Variants in OTX2 observed in about 807,000 individuals in gnomAD.
The protein encoded by OTX2 is homeobox protein OTX2.
In OTX2, 4 loss-of-function variants were observed where a neutral mutation model predicts 29.0. The ratio of observed to expected loss-of-function variants is 0.14; its 90% CI spans 0.07 to 0.32. The LOEUF is 0.32. Among genes scored for constraint, OTX2 ranks in the 10% least tolerant of loss-of-function variants. OTX2 has a pLI of 1.00. For synonymous variants in OTX2, 134 were observed against 141.0 expected (o/e 0.95, Z 0.35); for missense variants, 298 against 365.9 (o/e 0.81, Z 1.51).
chr14:56,803,908 A>G (rs1389372440), intron 4 of OTX2, among the ~76,000 whole-genome samples: 1 of 152,182 alleles, frequency 6.6e-6, no homozygotes, highest in Admixed American at 6.5e-5. Flanking sequence ...ATACAGAGGA[A>G]GGGAAGGGTT....
At chr14:56,806,102 T>C (rs1892082875) in intron 2 of OTX2, among the ~76,000 whole-genome samples, 1 of 152,112 alleles carries the variant, frequency 6.6e-6, no homozygotes, top group Non-Finnish European at 1.5e-5. Flanking sequence ...ATGGCAGAGA[T>C]TTTAATTATC....
chr14:56,809,522 G>A (rs906353914), intron 2 of OTX2, among the ~76,000 whole-genome samples: 9 of 152,228 alleles, frequency 5.9e-5, no homozygotes, highest in Non-Finnish European at 1.3e-4. Context: ...TGAGCGCCGG[G>A]GCGGACGAGA....
At position 56,801,761 on chromosome 14, in the gene OTX2, A is replaced by T; in HGVS notation, c.868T>A (p.Ser290Thr). Residue 290 changes from serine to threonine, a missense_variant, in exon 5 of 5, where the codon TCC (serine) becomes ACC (threonine). Transcript: ENST00000672264. The surrounding 1 kb of genome is among the most constrained non-coding windows in gnomAD (Gnocchi z 4.2). Reference sequence around the variant, plus strand: ...CACAAAACCTGGAATTTCCACGAGGATGTCTGATCTTTATAATCCAAGCAG... The same window carrying T: ...CACAAAACCTGGAATTTCCACGAGGTTGTCTGATCTTTATAATCCAAGCAG... ...ADCLDYKDQT[S>T]SWKFQVL The T allele has an allele frequency of 1.2e-6, 2 of 1,614,098 alleles. No homozygotes were observed. Among genetic ancestry groups the T allele is most frequent in the Non-Finnish European group, 1.7e-6 (2 of 1,180,032 alleles).
At chr14:56,803,730 A>G (rs2139532513) in intron 4 of OTX2, among the ~76,000 whole-genome samples, 1 of 152,326 alleles carries the variant, frequency 6.6e-6, no homozygotes, top group East Asian at 1.9e-4. Context: ...GTGTTGATTT[A>G]TTTGGTAAAA....
chr14:56,807,943 G>A (rs1278840394), intron 2 of OTX2, among the ~76,000 whole-genome samples: 1 of 151,950 alleles, frequency 6.6e-6, no homozygotes, highest in Non-Finnish European at 1.5e-5. Context: ...CTCCGGGCGC[G>A]AGTGCCTGGG....
At chr14:56,808,599 T>C (rs1166954754) in intron 2 of OTX2, among the ~76,000 whole-genome samples, 1 of 152,194 alleles carries the variant, frequency 6.6e-6, no homozygotes, top group Non-Finnish European at 1.5e-5. Flanking sequence ...TCTACCTTAC[T>C]CTGGGGGGAG....
chr14:56,803,972 C>T (rs141428191), intron 4 of OTX2, among the ~76,000 whole-genome samples: 133 of 152,260 alleles, frequency 8.7e-4, no homozygotes, highest in African/African-American at 3.2e-3. Flanking sequence ...CTCTCTCCAC[C>T]AGCAACCCGG....
chr14:56,807,163 C>T (rs1363947084), intron 2 of OTX2, among the ~76,000 whole-genome samples: 1 of 152,132 alleles, frequency 6.6e-6, no homozygotes, highest in African/African-American at 2.4e-5. Flanking sequence ...TTTGTATTAT[C>T]CTCAGTACAA....
At position 56,808,487 on chromosome 14, in the gene OTX2, G is replaced by A. The variant is rs966260381; in HGVS notation, c.-120+1672C>T. Among the ~76,000 whole-genome samples, 11 of 152,116 alleles carry A rather than the reference G, an allele frequency of 7.2e-5. No individual in the cohort carries two copies. In the East Asian group the frequency reaches 2.1e-3, roughly 29 times the overall value. On this transcript the variant is annotated intron_variant, in intron 2 of 4. Coordinates refer to ENST00000672264, the MANE Select transcript of OTX2 (RefSeq NM_021728.4). ...TGGCCTCGGGGAATCAAATAACTCT[G>A]CCACCCGCGAGGGAGGGAGGAAGAA...
chr14:56,804,477 CT>C lies in OTX2; in HGVS notation c.98-115del. 1 of 1,005,754 alleles carries C rather than the reference CT, an allele frequency of 9.9e-7. No homozygotes were observed. The highest frequency in any genetic ancestry group is 1.6e-5 in the African/African-American group (1 of 62,000). 62.3% of individuals were successfully genotyped at this position (1,005,754 alleles called of 1,614,324 possible). A position where few individuals can be genotyped will look rare whatever the true frequency, so the allele number is the denominator to read the frequency against. On this transcript the variant is annotated intron_variant, in intron 3 of 4. Coordinates refer to ENST00000672264, the MANE Select transcript of OTX2 (RefSeq NM_021728.4). This position sits in a 1 kb window ranked among gnomAD's most constrained non-coding sequence, Gnocchi z 4.1. ...TCCTCACAGCCCTTCAGCCGGGAGC[CT>C]ACCAATGCTCTCCCCACCGTCTCCC...
chr14:56,803,186 G>T (rs1891954887), intron 4 of OTX2, among the ~76,000 whole-genome samples: 1 of 152,166 alleles, frequency 6.6e-6, no homozygotes, highest in South Asian at 2.1e-4. Flanking sequence ...AGCTATGATT[G>T]GTGTACGAGG....
chr14:56,809,656 C>A (rs548491092), intron 2 of OTX2, among the ~76,000 whole-genome samples: 1 of 152,322 alleles, frequency 6.6e-6, no homozygotes, highest in South Asian at 2.1e-4. Context: ...GAGCTTCCGG[C>A]GCGCGGGCCC....
At position 56,801,569 on chromosome 14, in the gene OTX2, A is replaced by G; in HGVS notation, c.*166T>C. 2 of 687,160 alleles carry G rather than the reference A, an allele frequency of 2.9e-6. No individual in the cohort carries two copies. The highest frequency in any genetic ancestry group is 2.5e-6 in the Non-Finnish European group (1 of 397,208). The allele number at this position is 687,160 out of a possible 1,614,324, so 42.6% of individuals were successfully genotyped here. On this transcript the variant is annotated 3_prime_UTR_variant, in exon 5 of 5. Transcript: ENST00000672264. This position sits in a 1 kb window ranked among gnomAD's most constrained non-coding sequence, Gnocchi z 4.2. ...TGTCCATTTCATGTTGCTGGTTTGT[A>G]GGCCCCTCTAAGGCCCTTCGTTTTT...
At chr14:56,807,160 TA>T (rs1297006050) in intron 2 of OTX2, among the ~76,000 whole-genome samples, 1 of 152,202 alleles carries the variant, frequency 6.6e-6, no homozygotes, top group African/African-American at 2.4e-5. Flanking sequence ...GAGTTTGTAT[TA>T]TCCTCAGTAC....
intron 2 of OTX2, among the ~76,000 whole-genome samples, chr14:56,809,715 G>C (rs1471580516): frequency 6.6e-6 from 1 of 152,166 alleles, no homozygotes; most frequent in Non-Finnish European, 1.5e-5. Flanking sequence ...CATCCATCTA[G>C]TTACATCTGC....
At position 56,804,415 on chromosome 14, in the gene OTX2, C is replaced by A; in HGVS notation, c.98-52G>T. 2.0e-6 allele frequency: 3 copies of A among 1,534,806 alleles called. No individual in the cohort carries two copies. The highest frequency in any genetic ancestry group is 2.7e-6 in the Non-Finnish European group (3 of 1,127,222). ...GTCATAGGCGTTTCCGCGGGTTCTC[C>A]GACGCCCCTGCCCTCCACCCCGCAG... On this transcript the variant is annotated intron_variant, in intron 3 of 4. Coordinates refer to ENST00000672264, the MANE Select transcript of OTX2 (RefSeq NM_021728.4). The surrounding 1 kb of genome is among the most constrained non-coding windows in gnomAD (Gnocchi z 4.1).
chr14:56,802,282 A>T lies in OTX2; in HGVS notation c.347T>A (p.Val116Glu). 1 of 1,614,098 alleles carries T rather than the reference A, an allele frequency of 6.2e-7. No individual in the cohort carries two copies. Among genetic ancestry groups the T allele is most frequent in the Non-Finnish European group, 8.5e-7 (1 of 1,180,024 alleles). Residue 116 changes from valine (V) to glutamate (E), a missense_variant, in exon 5 of 5, where the codon GTG (valine) becomes GAG (glutamate). Coordinates refer to ENST00000672264, the MANE Select transcript of OTX2 (RefSeq NM_021728.4). This position sits in a 1 kb window ranked among gnomAD's most constrained non-coding sequence, Gnocchi z 4.4. The part of the protein sequence containing the change: ...QQQQNGGQNK[V>E]RPAKKKTSPA... ...AGATGTCTTCTTTTTGGCAGGTCTCACTTTGTTTTGACCTCCATTCTGCTG... is the reference window on the plus strand; with the variant it reads ...AGATGTCTTCTTTTTGGCAGGTCTCTCTTTGTTTTGACCTCCATTCTGCTG...
At position 56,802,170 on chromosome 14, in the gene OTX2, G is replaced by T; in HGVS notation, c.459C>A (p.Ser153Arg). ...GGCTCCAGATAGACACAGGAGCACT[G>T]CTGCTGGCAATGGTCGGGACTGAGG... ...SSTSVPTIAS[S>R]SAPVSIWSPA... The change falls in exon 5 of 5, where the codon AGC (serine) becomes AGA (arginine). Residue 153 changes from serine (S) to arginine (R), a missense_variant. By Grantham distance (110) the Ser-to-Arg change is moderately radical (BLOSUM62 -1). Coordinates refer to ENST00000672264, the MANE Select transcript of OTX2 (RefSeq NM_021728.4). This position sits in a 1 kb window ranked among gnomAD's most constrained non-coding sequence, Gnocchi z 4.4. The T allele has an allele frequency of 6.2e-7, 1 of 1,614,094 alleles. No individual in the cohort carries two copies.
In OTX2 at chr14:56,802,468, T is replaced by C. The variant is rs915881450; in HGVS notation, c.274-113A>G. On this transcript the variant is annotated intron_variant, in intron 4 of 4. Transcript: ENST00000672264. This position sits in a 1 kb window ranked among gnomAD's most constrained non-coding sequence, Gnocchi z 4.4. The stretch of plus-strand genomic sequence containing the variant: ...GGGCAGATCAGCTAAACACACAATT[T>C]CCCCTGCCACTGAAGACCTATTATG... The C allele has an allele frequency of 3.5e-4, 426 of 1,213,324 alleles. No homozygotes were observed. Among genetic ancestry groups the C allele is most frequent in the East Asian group, 1.2e-4 (5 of 43,064 alleles). 75.2% of individuals were successfully genotyped at this position (1,213,324 alleles called of 1,614,324 possible). A position where few individuals can be genotyped will look rare whatever the true frequency, so the allele number is the denominator to read the frequency against.
Sources: gnomAD v4.1 joint callset for allele counts (sites outside exome capture counted in the v4.1 genomes callset) on GRCh38, gnomAD v4.1.1 for gene constraint, Gnocchi (gnomAD v3.1) non-coding constraint, MANE v1.5 for transcripts, NCBI Gene and HGNC (gene_info 2026-07-23, HGNC 2026-07-21) for gene names.